ZEB1: variants seen among roughly 807,000 people sequenced by gnomAD.
ZEB1 encodes zinc finger E-box binding homeobox 1, also known as zinc finger E-box-binding homeobox 1.
In ZEB1, 21 loss-of-function variants were observed where a neutral mutation model predicts 84.9. That is an observed-to-expected ratio of 0.25 (90% CI 0.18 to 0.36). ZEB1 has a LOEUF of 0.36. Among genes scored for constraint, ZEB1 ranks in the 10% least tolerant of loss-of-function variants. The probability of loss-of-function intolerance (pLI) is 1.00; values close to 1 mark genes in which losing one functional copy is unlikely to be tolerated. For missense variants in ZEB1, 1,104 were observed against 1,330.2 expected, an observed-to-expected ratio of 0.83 and a Z score of 2.65; for synonymous variants, 420 against 471.1, an observed-to-expected ratio of 0.89 and a Z score of 1.41.
chr10:31,493,514 G>A (rs1293009158), intron 2 of ZEB1, among the ~76,000 whole-genome samples: 6 of 151,872 alleles, frequency 4.0e-5, no homozygotes, highest in Admixed American at 1.3e-4. Context: ...ACATTATTAC[G>A]TCTTACAGGA....
intron 1 of ZEB1, among the ~76,000 whole-genome samples, chr10:31,452,738 TGTGTGA>T (rs1293491303): frequency 2.9e-4 from 29 of 101,100 alleles, no homozygotes; most frequent in African/African-American, 1.1e-3. Context: ...TGTGTGTGTG[TGTGTGA>T]GAGAGAGAGA....
intron 1 of ZEB1, chr10:31,358,368 C>G (rs1321183109): frequency 6.6e-6 from 1 of 152,182 alleles, no homozygotes; most frequent in Non-Finnish European, 1.5e-5. Context: ...TGAATCTACT[C>G]TCTGACTCCT....
At chr10:31,348,650 C>A (rs2040770066) in intron 1 of ZEB1, among the ~76,000 whole-genome samples, 1 of 152,008 alleles carries the variant, frequency 6.6e-6, no homozygotes, top group Admixed American at 6.6e-5. Context: ...ATTTTCAAAC[C>A]ATTTCAAATA....
intron 1 of ZEB1, among the ~76,000 whole-genome samples, chr10:31,450,097 C>A (rs1198630647): frequency 6.6e-6 from 1 of 152,054 alleles, no homozygotes; most frequent in East Asian, 1.9e-4. Context: ...GATTTAGAAT[C>A]CAAGATACCA....
In ZEB1 at chr10:31,511,330, G is replaced by GT. The variant is rs558219246; in HGVS notation, c.687+462dup. On this transcript the variant is annotated intron_variant, in intron 5 of 8. Coordinates refer to ENST00000424869, the MANE Select transcript of ZEB1 (RefSeq NM_001174096.2). ...ATTTATTCTCAGTATAAGCTACGTG[G>GT]TTTTTTTCCCCCGTAGTAAAGGGAG... 5.5e-3 allele frequency among the ~76,000 whole-genome samples: 841 copies of GT among 152,142 alleles called. 8 individuals are homozygous for GT. Among genetic ancestry groups the GT allele is most frequent in the African/African-American group, 0.019 (793 of 41,516 alleles).
At chr10:31,366,165 C>T (rs949818769) in intron 1 of ZEB1, among the ~76,000 whole-genome samples, 1 of 152,152 alleles carries the variant, frequency 6.6e-6, no homozygotes, top group East Asian at 1.9e-4. Context: ...TCTGACTAGC[C>T]CTGAACTTAC....
chr10:31,498,065 T>A (rs904348583), intron 3 of ZEB1, among the ~76,000 whole-genome samples: 2 of 152,098 alleles, frequency 1.3e-5, no homozygotes, highest in African/African-American at 4.8e-5. Flanking sequence ...TTTTGAGTTT[T>A]ATCATATTTA....
intron 2 of ZEB1, among the ~76,000 whole-genome samples, chr10:31,479,542 A>G (rs2064765049): frequency 6.6e-6 from 1 of 151,928 alleles, no homozygotes. Context: ...TTAAAATATC[A>G]TACACCATGA....
intron 8 of ZEB1, 75 bp from the exon 9 acceptor site, chr10:31,526,597 A>G (rs958722282): frequency 1.9e-6 from 3 of 1,558,720 alleles, no homozygotes; most frequent in Non-Finnish European, 2.6e-6. Context: ...TACAACATGA[A>G]GTACCCCAAA....
At chr10:31,319,044 C>A, upstream of ZEB1, 1 of 638,540 alleles carries the variant, frequency 1.6e-6, no homozygotes, top group Non-Finnish European at 2.9e-6. Flanking sequence ...GCAAACCGCC[C>A]GGTCCCTAGC....
intron 1 of ZEB1, among the ~76,000 whole-genome samples, chr10:31,370,095 T>A (rs2045427765): frequency 6.6e-6 from 1 of 152,186 alleles, no homozygotes; most frequent in Non-Finnish European, 1.5e-5. Flanking sequence ...ACTTAAATAT[T>A]TTAGATATTA....
At chr10:31,438,180 T>C (rs1246140229) in intron 1 of ZEB1, among the ~76,000 whole-genome samples, 1 of 152,216 alleles carries the variant, frequency 6.6e-6, no homozygotes, top group Non-Finnish European at 1.5e-5. Flanking sequence ...GAGAGCAGCT[T>C]CCCTCAGCAC....
rs181370286 is a variant in ZEB1, at chr10:31,361,765, G to T, written c.58+42473G>T. Among the ~76,000 whole-genome samples the T allele has an allele frequency of 6.4e-3, 974 of 151,498 alleles. 7 individuals are homozygous for T. Among genetic ancestry groups the T allele is most frequent in the African/African-American group, 0.022 (887 of 41,204 alleles). ...TCCTCATTTCCCAGACGGTGAGGAG[G>T]CCAGGCAGAGGCACTCCTCACTTCA... On this transcript the variant is annotated intron_variant, in intron 1 of 8. Coordinates refer to ENST00000424869, the MANE Select transcript of ZEB1 (RefSeq NM_001174096.2).
At chr10:31,408,880 C>T (rs919786897) in intron 1 of ZEB1, among the ~76,000 whole-genome samples, 1 of 150,220 alleles carries the variant, frequency 6.7e-6, no homozygotes, top group Non-Finnish European at 1.5e-5. Flanking sequence ...GCAACAAAAG[C>T]CAAAATTGAC....
chr10:31,355,827 ATATC>A (rs1434945803), intron 1 of ZEB1, among the ~76,000 whole-genome samples: 1 of 152,176 alleles, frequency 6.6e-6, no homozygotes, highest in Non-Finnish European at 1.5e-5. Context: ...TTTTTGACCT[ATATC>A]CTAAGGGATA....
At chr10:31,394,835 A>G (rs1210847190) in intron 1 of ZEB1, among the ~76,000 whole-genome samples, 1 of 152,202 alleles carries the variant, frequency 6.6e-6, no homozygotes, top group Non-Finnish European at 1.5e-5. Context: ...CAGTAAATCT[A>G]GGAAAGAGAT....
chr10:31,511,484 A>G (rs1592002457), intron 5 of ZEB1, among the ~76,000 whole-genome samples: 1 of 152,188 alleles, frequency 6.6e-6, no homozygotes, highest in Non-Finnish European at 1.5e-5. Flanking sequence ...TTTTGTAACT[A>G]TAAGTTACAT....
chr10:31,526,585 T>C, intron 8 of ZEB1, 87 bp from the exon 9 acceptor site: 1 of 1,506,930 alleles, frequency 6.6e-7, no homozygotes, highest in Non-Finnish European at 9.0e-7. Context: ...CCCTCCCCTT[T>C]CTACAACATG....
chr10:31,321,687 A>G (rs1263166185), intron 1 of ZEB1: 2 of 1,057,390 alleles, frequency 1.9e-6, no homozygotes, highest in Admixed American at 1.9e-5. Flanking sequence ...GTTTACCTGA[A>G]CAGGAAAGAA....
Sources: allele counts gnomAD v4.1 joint callset (sites outside exome capture counted in the v4.1 genomes callset), GRCh38; gene constraint gnomAD v4.1.1; transcripts MANE v1.5; gene names NCBI Gene and HGNC (gene_info 2026-07-23, HGNC 2026-07-21).